The following AMZ1 variants were observed in gnomAD, a reference collection of about 807,000 sequenced individuals.
The protein encoded by AMZ1 is archaemetzincin-1.
A neutral mutation model predicts 29.9 loss-of-function variants in AMZ1; 39 were observed. That is an observed-to-expected ratio of 1.30 (90% CI 1.01 to 1.70). The LOEUF (loss-of-function observed/expected upper bound fraction) is 1.70, where lower values mean the gene tolerates loss of function less well. AMZ1 is among the 40% of genes most tolerant of loss of function. The pLI is 0.00. For synonymous variants in AMZ1, 458 were observed against 304.0 expected (o/e 1.51, Z -5.27); for missense variants, 1,041 against 680.6 (o/e 1.53, Z -5.89).
chr7:2,701,506 C>T (rs2115108459), intron 2 of AMZ1, among the ~76,000 whole-genome samples: 2 of 152,242 alleles, frequency 1.3e-5, no homozygotes. Context: ...GTCTGGGGGA[C>T]CCAGGGTGAA....
chr7:2,692,063 C>T (rs1215945527), intron 1 of AMZ1, among the ~76,000 whole-genome samples: 2 of 152,186 alleles, frequency 1.3e-5, no homozygotes, highest in Non-Finnish European at 1.5e-5. Context: ...GAGCGAGAAG[C>T]CGGTGAGCAG....
intron 1 of AMZ1, among the ~76,000 whole-genome samples, chr7:2,699,771 T>C (rs538544341): frequency 6.6e-6 from 1 of 152,228 alleles, no homozygotes; most frequent in East Asian, 1.9e-4. Context: ...GAGCATTTGG[T>C]TTCCACCTGG....
chr7:2,743,577 G>A (rs1050771127), intron 4 of AMZ1, among the ~76,000 whole-genome samples: 1 of 152,178 alleles, frequency 6.6e-6, no homozygotes, highest in East Asian at 1.9e-4. Flanking sequence ...TGGCCGAATA[G>A]GAACAGCTCC....
At chr7:2,699,500 C>A (rs947298017) in intron 1 of AMZ1, among the ~76,000 whole-genome samples, 2 of 152,012 alleles carry the variant, frequency 1.3e-5, no homozygotes, top group Non-Finnish European at 2.9e-5. Context: ...GTCCTGGGGA[C>A]GTCTGCGTGC....
chr7:2,755,146 C>T (rs755499068), intron 4 of AMZ1, among the ~76,000 whole-genome samples: 2 of 152,200 alleles, frequency 1.3e-5, no homozygotes, highest in Non-Finnish European at 2.9e-5. Flanking sequence ...TGCGCCAGCA[C>T]CACACAGGCC....
In AMZ1 at chr7:2,717,099, C is replaced by G. The variant is rs1044230312; in HGVS notation, c.*4221C>G. On this transcript the variant is annotated 3_prime_UTR_variant, in exon 7 of 7. Transcript: ENST00000683327. The stretch of plus-strand genomic sequence containing the variant: ...ACCCACGCCCCTCGGTTCTGATAAC[C>G]AGGAGGCTTTCTGGCCCGTGCAGCT... 1.3e-5 allele frequency among the ~76,000 whole-genome samples: 2 copies of G among 152,308 alleles called. No individual in the cohort carries two copies. The highest frequency in any genetic ancestry group is 2.9e-5 in the Non-Finnish European group (2 of 68,032).
At chr7:2,728,130 AATTT>A (rs1209952770) in intron 4 of AMZ1, 5 of 152,258 alleles carry the variant, frequency 3.3e-5, no homozygotes, top group African/African-American at 1.2e-4. Context: ...AGAAAGACTA[AATTT>A]ATTTTAATAA....
At chr7:2,733,064 T>C (rs1233775779) in intron 4 of AMZ1, among the ~76,000 whole-genome samples, 1 of 152,230 alleles carries the variant, frequency 6.6e-6, no homozygotes, top group Admixed American at 6.5e-5. Flanking sequence ...AAATATTCTC[T>C]GCATTTGCTC....
At chr7:2,687,855 T>G (rs928258022), upstream of AMZ1, among the ~76,000 whole-genome samples, 1 of 152,100 alleles carries the variant, frequency 6.6e-6, no homozygotes, top group East Asian at 1.9e-4. Context: ...TGGCGCTGGT[T>G]CACCCCTCTC....
At chr7:2,697,769 C>G (rs2115087917) in intron 1 of AMZ1, among the ~76,000 whole-genome samples, 1 of 152,158 alleles carries the variant, frequency 6.6e-6, no homozygotes, top group South Asian at 2.1e-4. Context: ...GGAAAATGCT[C>G]AAGATTTATG....
At chr7:2,764,242 T>G (rs1791707792), upstream of AMZ1, among the ~76,000 whole-genome samples, 1 of 136,576 alleles carries the variant, frequency 7.3e-6, no homozygotes, top group African/African-American at 2.6e-5. Flanking sequence ...CCCAGCTAAT[T>G]TCTTTTTTTT....
rs1343754254 is a variant in AMZ1, at chr7:2,714,968, C to T, written c.*2090C>T. ...TAGCATTAGGACCTTCATCCATACCCTTCTCTTTTGCATGGCTTCTAAAGG... is the reference window on the plus strand; with the variant it reads ...TAGCATTAGGACCTTCATCCATACCTTTCTCTTTTGCATGGCTTCTAAAGG... On this transcript the variant is annotated 3_prime_UTR_variant, in exon 7 of 7. Transcript: ENST00000683327. The T allele has an allele frequency of 6.6e-6, 1 of 152,122 alleles. No individual in the cohort carries two copies. The highest frequency in any genetic ancestry group is 1.5e-5 in the Non-Finnish European group (1 of 67,970). 9.4% of individuals were successfully genotyped at this position (152,122 alleles called of 1,614,324 possible).
At position 2,695,736 on chromosome 7, in the gene AMZ1, C is replaced by T. The variant is rs373479941; in HGVS notation, c.-218-4498C>T. On this transcript the variant is annotated intron_variant, in intron 1 of 6. Coordinates refer to ENST00000683327, the MANE Select transcript of AMZ1 (RefSeq NM_001384743.1). ...ATTTAAAAAAGAAAAAAAGGCCGGG[C>T]GCAGTGGCTCATGCCTATAATCCCA... 1.7e-4 allele frequency among the ~76,000 whole-genome samples: 25 copies of T among 150,644 alleles called. No homozygotes were observed. In the East Asian group the frequency reaches 2.0e-3, roughly 12 times the overall value.
At chr7:2,744,650 C>T (rs576114769) in intron 4 of AMZ1, among the ~76,000 whole-genome samples, 171 of 152,248 alleles carry the variant, frequency 1.1e-3, no homozygotes, top group African/African-American at 3.6e-3. Context: ...TCACCAGCAA[C>T]GGAACAAAGC....
At chr7:2,709,985 G>A (rs1788662564) in intron 6 of AMZ1, among the ~76,000 whole-genome samples, 169 bp downstream of exon 6, 1 of 152,242 alleles carries the variant, frequency 6.6e-6, no homozygotes, top group African/African-American at 2.4e-5. Context: ...GCTCCATCCG[G>A]ATCTCACTGG....
upstream of AMZ1, chr7:2,763,155 CT>C (rs1791649378): frequency 8.4e-7 from 1 of 1,184,844 alleles, no homozygotes. Flanking sequence ...GAATATTCTG[CT>C]GACAAGAGGT....
chr7:2,695,892 C>A (rs944113778), intron 1 of AMZ1, among the ~76,000 whole-genome samples: 21 of 151,720 alleles, frequency 1.4e-4, no homozygotes, highest in South Asian at 1.0e-3. Context: ...CACCTGTAGT[C>A]CCAGCTACTC....
chr7:2,744,984 A>G (rs1044696445), intron 4 of AMZ1, among the ~76,000 whole-genome samples: 3 of 152,232 alleles, frequency 2.0e-5, no homozygotes, highest in Non-Finnish European at 4.4e-5. Flanking sequence ...GAATAAAAAG[A>G]AACGAACAAG....
chr7:2,720,325 G>A (rs951806173), downstream of AMZ1, among the ~76,000 whole-genome samples: 4 of 152,198 alleles, frequency 2.6e-5, no homozygotes, highest in Non-Finnish European at 2.9e-5. Context: ...GTCTCCCCAC[G>A]TCAGGGTGAA....
Sources: gnomAD v4.1 joint callset for allele counts (sites outside exome capture counted in the v4.1 genomes callset) on GRCh38, gnomAD v4.1.1 for gene constraint, MANE v1.5 for transcripts, NCBI Gene and HGNC (gene_info 2026-07-23, HGNC 2026-07-21) for gene names.